ZNF727: variants seen among roughly 807,000 people sequenced by gnomAD.
ZNF727 encodes the protein putative zinc finger protein 727.
Under a neutral mutation model 11.5 loss-of-function variants are expected in ZNF727, and 11 were observed. That is an observed-to-expected ratio of 0.95 (90% CI 0.60 to 1.58). ZNF727 has a LOEUF of 1.58. ZNF727 is among the 40% of genes most tolerant of loss of function. The pLI is 0.00. For synonymous variants in ZNF727, 171 were observed against 196.1 expected, an observed-to-expected ratio of 0.87 and a Z score of 1.07; for missense variants, 533 against 581.7, an observed-to-expected ratio of 0.92 and a Z score of 0.86.
chr7:64,077,462 C>T lies in ZNF727; in HGVS notation c.413C>T (p.Ser138Leu). Residue 138 changes from serine to leucine, a missense_variant, in exon 4 of 4, where the codon TCA becomes TTA. By Grantham distance (145) the Ser-to-Leu change is moderately radical (BLOSUM62 -2). This residue lies in a region of ZNF727 where 463 missense variants were observed against 494.5 expected (regional missense o/e 0.94). Coordinates refer to ENST00000456806, the MANE Select transcript of ZNF727 (RefSeq NM_001159522.3). The stretch of plus-strand genomic sequence containing the variant: ...TATAATGGCATTCATCAATGTTTGT[C>T]AGCTACCCGTAGCAAAACCTGTCAA... ...SSYNGIHQCL[S>L]ATRSKTCQYN... The T allele has an allele frequency of 6.4e-7, 1 of 1,551,834 alleles. No homozygotes were observed. The highest frequency in any genetic ancestry group is 8.7e-7 in the Non-Finnish European group (1 of 1,147,020).
chr7:64,060,753 CTT>C (rs1331044025), intron 1 of ZNF727, among the ~76,000 whole-genome samples: 15 of 151,158 alleles, frequency 9.9e-5, no homozygotes, highest in Admixed American at 9.9e-4. Context: ...TTGGTTTGCT[CTT>C]TTCTAGTTCT....
intron 3 of ZNF727, among the ~76,000 whole-genome samples, chr7:64,075,602 C>A (rs1349461122): frequency 1.3e-5 from 2 of 151,956 alleles, no homozygotes; most frequent in African/African-American, 2.4e-5. Context: ...CAGCTGAAAG[C>A]CATTATCTTA....
rs1461123997 is a variant in ZNF727 at position 64,077,657 on chromosome 7, A to G, written c.608A>G (p.Glu203Gly). ...ACTGCAGATAGAAGTTACAAATGTG[A>G]AGAATGTGGCAAAGCCTGTAAAAAG... is the stretch of plus-strand genomic sequence containing the variant. ...IHTADRSYKC[E>G]ECGKACKKFS... The change falls in exon 4 of 4, where the codon GAA becomes GGA. Residue 203 changes from glutamate (E) to glycine (G), a missense_variant. Glu to Gly is a moderately conservative substitution (Grantham distance 98). Around this residue, in one of 3 missense-constraint regions of ZNF727, gnomAD observed 463 missense variants for 494.5 expected, o/e 0.94. Coordinates refer to ENST00000456806, the MANE Select transcript of ZNF727 (RefSeq NM_001159522.3). 2 of 1,556,428 alleles carry G rather than the reference A, an allele frequency of 1.3e-6. No homozygotes were observed. The highest frequency in any genetic ancestry group is 2.4e-5 in the East Asian group (1 of 41,220).
rs1485612047 is a variant in ZNF727 at position 64,077,419 on chromosome 7, A to G, written c.370A>G (p.Lys124Glu). 1 of 1,551,860 alleles carries G rather than the reference A, an allele frequency of 6.4e-7. No individual in the cohort carries two copies. Among genetic ancestry groups the G allele is most frequent in the African/African-American group, 1.4e-5 (1 of 73,044 alleles). ...AGACTACCAACGTGTGGGTAATTGC[A>G]AGGGGCAGAAAAGCAGTTATAATGG... ...KKDYQRVGNCKGQKSSYNGIH... is the reference protein window; with the variant it reads ...KKDYQRVGNCEGQKSSYNGIH... Residue 124 changes from lysine (K) to glutamate (E), a missense_variant, in exon 4 of 4, where the codon AAG becomes GAG. Coordinates refer to ENST00000456806, the MANE Select transcript of ZNF727 (RefSeq NM_001159522.3).
intron 1 of ZNF727, among the ~76,000 whole-genome samples, chr7:64,064,138 G>A (rs1201344579): frequency 6.6e-6 from 1 of 152,152 alleles, no homozygotes; most frequent in African/African-American, 2.4e-5. Context: ...GACTGAGCTG[G>A]TAATCAAGCT....
rs1774847304 is a variant in ZNF727 at position 64,081,759 on chromosome 7, A to G, written c.*3210A>G. Among the ~76,000 whole-genome samples the G allele has an allele frequency of 6.6e-6, 1 of 152,156 alleles. No individual in the cohort carries two copies. The highest frequency in any genetic ancestry group is 2.4e-5 in the African/African-American group (1 of 41,444). ...GACCATCCTGCAGAAATTAGGTCCAACAGTTCCCCTAGGGCTAAAGTCTCT... is the reference window on the plus strand; with the variant it reads ...GACCATCCTGCAGAAATTAGGTCCAGCAGTTCCCCTAGGGCTAAAGTCTCT... On this transcript the variant is annotated 3_prime_UTR_variant, in exon 4 of 4. Transcript: ENST00000456806.
intron 1 of ZNF727, among the ~76,000 whole-genome samples, chr7:64,066,251 G>T (rs759997922): frequency 3.9e-5 from 6 of 152,132 alleles, no homozygotes; most frequent in Non-Finnish European, 5.9e-5. Flanking sequence ...TAGATTCAAT[G>T]CTATTCCCGT....
At chr7:64,054,645 G>C (rs1789654999) in intron 1 of ZNF727, among the ~76,000 whole-genome samples, 1 of 152,140 alleles carries the variant, frequency 6.6e-6, no homozygotes, top group Non-Finnish European at 1.5e-5. Flanking sequence ...TTAATGCTTA[G>C]GTATTTTGTA....
At chr7:64,071,272 C>T (rs954931219) in intron 3 of ZNF727, among the ~76,000 whole-genome samples, 2 of 151,866 alleles carry the variant, frequency 1.3e-5, no homozygotes, top group Non-Finnish European at 2.9e-5. Flanking sequence ...CTTGTCAACA[C>T]TTGTTATAAA....
At chr7:64,051,879 A>G (rs1163955511) in intron 1 of ZNF727, among the ~76,000 whole-genome samples, 1 of 152,232 alleles carries the variant, frequency 6.6e-6, no homozygotes, top group Non-Finnish European at 1.5e-5. Flanking sequence ...CCAATTGTGC[A>G]TGGAAATATA....
At chr7:64,049,727 A>G (rs1175414896) in intron 1 of ZNF727, among the ~76,000 whole-genome samples, 2 of 151,504 alleles carry the variant, frequency 1.3e-5, no homozygotes, top group Non-Finnish European at 3.0e-5. Context: ...GCTTAAACTT[A>G]TATTTAAAAA....
At chr7:64,047,826 A>G (rs555487507) in intron 1 of ZNF727, among the ~76,000 whole-genome samples, 20 of 152,360 alleles carry the variant, frequency 1.3e-4, no homozygotes, top group East Asian at 7.7e-4. Context: ...GTATTGAGGG[A>G]AAAAGGCACA....
intron 1 of ZNF727, among the ~76,000 whole-genome samples, chr7:64,057,030 C>T (rs1053609768): frequency 2.6e-5 from 4 of 151,136 alleles, no homozygotes; most frequent in Non-Finnish European, 5.9e-5. Context: ...TATTTGAAAT[C>T]TCCTATATCT....
intron 3 of ZNF727, among the ~76,000 whole-genome samples, chr7:64,074,684 G>A (rs1352841460): frequency 6.6e-6 from 1 of 152,088 alleles, no homozygotes; most frequent in Non-Finnish European, 1.5e-5. Context: ...TTAAGTACAA[G>A]AAAATCTAAA....
rs1785810191 is a variant in ZNF727, at chr7:64,082,582, G to A, written c.*4033G>A. On this transcript the variant is annotated 3_prime_UTR_variant, in exon 4 of 4. Coordinates refer to ENST00000456806, the MANE Select transcript of ZNF727 (RefSeq NM_001159522.3). ...AGAACATGACTGGGGACCCACTTAA[G>A]AAAGCAGTGTAGGCTGGGCGCAGTG... 6.6e-6 allele frequency among the ~76,000 whole-genome samples: 1 copy of A among 152,150 alleles called. No individual in the cohort carries two copies. The highest frequency in any genetic ancestry group is 1.5e-5 in the Non-Finnish European group (1 of 68,022).
rs969300684 is a variant in ZNF727 at position 64,079,456 on chromosome 7, TA to T, written c.*914del. Among the ~76,000 whole-genome samples the T allele has an allele frequency of 1.3e-5, 2 of 152,198 alleles. No homozygotes were observed. The highest frequency in any genetic ancestry group is 4.8e-5 in the African/African-American group (2 of 41,450). On this transcript the variant is annotated 3_prime_UTR_variant, in exon 4 of 4. Transcript: ENST00000456806. ...TATGTAATGCCATTTTTTGTCTTTT[TA>T]AAAAAATCTGTTGATTTAAAGTCTG...
rs1785720291 is a variant in ZNF727 at position 64,078,247 on chromosome 7, G to A, written c.1198G>A (p.Glu400Lys). ...HTGEKPYKCEECGKSFTCSSN... is the reference protein window; with the variant it reads ...HTGEKPYKCEKCGKSFTCSSN... The stretch of plus-strand genomic sequence containing the variant: ...TGGAGAGAAACCCTACAAATGTGAA[G>A]AATGTGGCAAAAGCTTTACCTGCTC... The change falls in exon 4 of 4, where the codon GAA (glutamate) becomes AAA (lysine). Residue 400 changes from glutamate (E) to lysine (K), a missense_variant. Glu to Lys is a moderately conservative substitution (Grantham distance 56). Around this residue, in one of 3 missense-constraint regions of ZNF727, gnomAD observed 463 missense variants for 494.5 expected, o/e 0.94. Coordinates refer to ENST00000456806, the MANE Select transcript of ZNF727 (RefSeq NM_001159522.3). 6.2e-7 allele frequency: 1 copy of A among 1,605,526 alleles called. No individual in the cohort carries two copies. The highest frequency in any genetic ancestry group is 1.1e-5 in the South Asian group (1 of 90,096).
chr7:64,045,468 G>C lies in ZNF727; in HGVS notation c.-154G>C. The C allele has an allele frequency of 9.2e-7, 1 of 1,090,322 alleles. No individual in the cohort carries two copies. The highest frequency in any genetic ancestry group is 1.4e-6 in the Non-Finnish European group (1 of 729,358). The allele number at this position is 1,090,322 out of a possible 1,614,324, so 67.5% of individuals were successfully genotyped here. ...AATATGGCAAGGCCTTCGTCTCCTAGCTTCTAGGCTCTGAGTCCAGTACCC... is the reference window on the plus strand; with the variant it reads ...AATATGGCAAGGCCTTCGTCTCCTACCTTCTAGGCTCTGAGTCCAGTACCC... On this transcript the variant is annotated 5_prime_UTR_variant, in exon 1 of 4. Transcript: ENST00000456806.
Position 64,076,838 on chromosome 7 carries a change from C to T in ZNF727, c.227-438C>T, listed in dbSNP as rs1785670796. Among the ~76,000 whole-genome samples, 6 of 152,242 alleles carry T rather than the reference C, an allele frequency of 3.9e-5. No individual in the cohort carries two copies. In the South Asian group the frequency reaches 1.2e-3, roughly 32 times the overall value. ...GTCTGAAACTGTCAAAGTATACCAC[C>T]TTTATTTTCAACACTGTCATGGAAT... is the stretch of plus-strand genomic sequence containing the variant. On this transcript the variant is annotated intron_variant, in intron 3 of 3. Coordinates refer to ENST00000456806, the MANE Select transcript of ZNF727 (RefSeq NM_001159522.3).
Sources: gnomAD v4.1 joint callset for allele counts (sites outside exome capture counted in the v4.1 genomes callset) on GRCh38, gnomAD v4.1.1 for gene constraint, gnomAD v4.1.1 regional missense constraint, MANE v1.5 for transcripts, NCBI Gene and HGNC (gene_info 2026-07-23, HGNC 2026-07-21) for gene names.